The following STPG2 variants were observed in gnomAD, a reference collection of about 807,000 sequenced individuals.
STPG2 encodes the protein sperm tail PG-rich repeat containing 2, also known as sperm-tail PG-rich repeat-containing protein 2.
In STPG2, 56 loss-of-function variants were observed where a neutral mutation model predicts 54.2. The ratio of observed to expected loss-of-function variants is 1.03; its 90% CI spans 0.83 to 1.29. The LOEUF is 1.29. Among genes scored for constraint, STPG2 ranks in the 50% most tolerant of loss-of-function variants. The probability of loss-of-function intolerance (pLI) is 0.00; values close to 1 mark genes in which losing one functional copy is unlikely to be tolerated. For synonymous variants in STPG2, 200 were observed against 181.8 expected, an observed-to-expected ratio of 1.10 and a Z score of -0.81; for missense variants, 596 against 544.9, an observed-to-expected ratio of 1.09 and a Z score of -0.93.
chr4:98,126,115 CAG>C (rs1444352927), intron 3 of STPG2, among the ~76,000 whole-genome samples: 1 of 152,214 alleles, frequency 6.6e-6, no homozygotes, highest in African/African-American at 2.4e-5. Context: ...TGCTAGGCAG[CAG>C]AGATTCCAAG....
chr4:97,924,083 G>A (rs957460067), intron 8 of STPG2, among the ~76,000 whole-genome samples: 14 of 152,232 alleles, frequency 9.2e-5, no homozygotes, highest in Admixed American at 3.3e-4. Flanking sequence ...TCCACACTGC[G>A]TTTATGAGCT....
intron 9 of STPG2, among the ~76,000 whole-genome samples, chr4:97,833,657 C>T (rs542716452): frequency 6.6e-6 from 1 of 151,628 alleles, no homozygotes; most frequent in South Asian, 2.1e-4. Flanking sequence ...AACAAATTTA[C>T]AATAAAAAAA....
At chr4:97,722,579 AT>A (rs995799400) in intron 9 of STPG2, among the ~76,000 whole-genome samples, 1 of 152,102 alleles carries the variant, frequency 6.6e-6, no homozygotes, top group Non-Finnish European at 1.5e-5. Context: ...ACATATATTC[AT>A]TTTTATATTC....
intron 10 of STPG2, among the ~76,000 whole-genome samples, chr4:97,617,949 A>T (rs950511347): frequency 6.6e-6 from 1 of 152,178 alleles, no homozygotes; most frequent in Non-Finnish European, 1.5e-5. Context: ...ATCAGCATTG[A>T]TGGCAGTTAA....
At chr4:97,915,762 A>G (rs1731850937) in intron 8 of STPG2, among the ~76,000 whole-genome samples, 1 of 152,146 alleles carries the variant, frequency 6.6e-6, no homozygotes, top group Non-Finnish European at 1.5e-5. Context: ...GGGAAAAATC[A>G]TGGTCATAAT....
chr4:97,676,436 A>T (rs1231382049), intron 10 of STPG2, among the ~76,000 whole-genome samples: 2 of 152,036 alleles, frequency 1.3e-5, no homozygotes, highest in African/African-American at 4.8e-5. Context: ...TATTAAATTA[A>T]TTTTTGCCCA....
chr4:97,791,767 C>T (rs1726998301), intron 9 of STPG2, among the ~76,000 whole-genome samples: 1 of 151,590 alleles, frequency 6.6e-6, no homozygotes, highest in Non-Finnish European at 1.5e-5. Context: ...TATACAGGAG[C>T]CTATTTTTTC....
At chr4:97,590,456 A>G (rs1230869135) in intron 10 of STPG2, among the ~76,000 whole-genome samples, 1 of 152,118 alleles carries the variant, frequency 6.6e-6, no homozygotes, top group African/African-American at 2.4e-5. Context: ...CTGAAGCATG[A>G]TAACATCGAG....
At chr4:97,689,933 C>A (rs1309928092) in intron 10 of STPG2, among the ~76,000 whole-genome samples, 1 of 151,952 alleles carries the variant, frequency 6.6e-6, no homozygotes, top group Non-Finnish European at 1.5e-5. Context: ...TAAAATCATA[C>A]TCAAAAGGAA....
chr4:97,550,046 TAA>T (rs1208409124), intron 4 of STPG2, among the ~76,000 whole-genome samples: 3 of 152,188 alleles, frequency 2.0e-5, no homozygotes, highest in South Asian at 2.1e-4. Context: ...ATCAATTAAA[TAA>T]AAAGATGTAT....
intron 10 of STPG2, among the ~76,000 whole-genome samples, chr4:97,575,052 T>G (rs1251017490): frequency 6.6e-6 from 1 of 151,836 alleles, no homozygotes; most frequent in Non-Finnish European, 1.5e-5. Flanking sequence ...AAAATTAATT[T>G]TTGGAAACAC....
intron 8 of STPG2, among the ~76,000 whole-genome samples, chr4:97,865,811 G>A (rs1385583869): frequency 1.3e-5 from 2 of 151,686 alleles, no homozygotes; most frequent in African/African-American, 4.8e-5. Context: ...TAACAAACCT[G>A]CACATTGTGC....
At chr4:97,502,278 C>T (rs959662174) in intron 4 of STPG2, among the ~76,000 whole-genome samples, 13 of 151,734 alleles carry the variant, frequency 8.6e-5, no homozygotes, top group African/African-American at 3.1e-4. Flanking sequence ...TATTGTGCGT[C>T]CCTGATAAAA....
At chr4:97,855,609 G>A (rs747198314) in intron 8 of STPG2, among the ~76,000 whole-genome samples, 4 of 152,034 alleles carry the variant, frequency 2.6e-5, no homozygotes, top group Non-Finnish European at 4.4e-5. Context: ...CTCCCATTCT[G>A]TAGGTTGCCT....
At chr4:97,859,737 T>C (rs1729455387) in intron 8 of STPG2, among the ~76,000 whole-genome samples, 1 of 152,254 alleles carries the variant, frequency 6.6e-6, no homozygotes, top group South Asian at 2.1e-4. Flanking sequence ...GCTGGGATTA[T>C]ATGTGTGATT....
At chr4:98,047,299 C>T (rs927812358) in intron 5 of STPG2, among the ~76,000 whole-genome samples, 1 of 152,130 alleles carries the variant, frequency 6.6e-6, no homozygotes, top group Non-Finnish European at 1.5e-5. Flanking sequence ...CTGATTTTAT[C>T]ACTGAAGCAG....
chr4:97,486,864 C>CAT (rs1169113201), intron 4 of STPG2, among the ~76,000 whole-genome samples: 10 of 129,760 alleles, frequency 7.7e-5, no homozygotes, highest in African/African-American at 2.3e-4. Context: ...TATACAAACA[C>CAT]ACACACACAC....
intron 7 of STPG2, among the ~76,000 whole-genome samples, chr4:97,970,429 C>G (rs1327146386): frequency 6.6e-6 from 1 of 152,152 alleles, no homozygotes; most frequent in Non-Finnish European, 1.5e-5. Context: ...GCTACAGCAA[C>G]CAAAACAGTG....
rs576527625 is a variant in STPG2 at position 97,820,559 on chromosome 4, C to A, written c.1204+20214G>T. Among the ~76,000 whole-genome samples the A allele has an allele frequency of 1.4e-4, 21 of 152,224 alleles. No individual in the cohort carries two copies. The South Asian group carries it at 4.1e-3, about 30-fold the overall frequency. ...TAAAAATGCTACCACAGTAAATACACAAATCAAAAGAAAGTTGTTAAGCCA... is the reference window on the plus strand; with the variant it reads ...TAAAAATGCTACCACAGTAAATACAAAAATCAAAAGAAAGTTGTTAAGCCA... On this transcript the variant is annotated intron_variant, in intron 9 of 10. Transcript: ENST00000295268.
Sources: allele counts gnomAD v4.1 joint callset (sites outside exome capture counted in the v4.1 genomes callset), GRCh38; gene constraint gnomAD v4.1.1; transcripts MANE v1.5; gene names NCBI Gene and HGNC (gene_info 2026-07-23, HGNC 2026-07-21).